Variants in DAPK1 observed in about 807,000 individuals in gnomAD.
DAPK1 encodes death-associated protein kinase 1.
Under a neutral mutation model 144.9 loss-of-function variants are expected in DAPK1, and 56 were observed. That is an observed-to-expected ratio of 0.39 (90% confidence interval 0.31 to 0.48). The LOEUF (loss-of-function observed/expected upper bound fraction) is 0.48. Ranked by LOEUF, DAPK1 falls within the 20% of genes least tolerant of loss-of-function variation. DAPK1 has a pLI of 0.95. For missense variants in DAPK1, 1,454 were observed against 1,875.4 expected, an observed-to-expected ratio of 0.78 and a Z score of 4.15; for synonymous variants, 690 against 749.0, an observed-to-expected ratio of 0.92 and a Z score of 1.29.
chr9:87,588,512 G>A (rs1828013396), intron 2 of DAPK1, among the ~76,000 whole-genome samples: 2 of 152,180 alleles, frequency 1.3e-5, no homozygotes, highest in South Asian at 4.1e-4. Context: ...TTTCCCAAAT[G>A]ACCATGCTGA....
chr9:87,590,420 G>A (rs1344726301), intron 2 of DAPK1, among the ~76,000 whole-genome samples: 1 of 150,680 alleles, frequency 6.6e-6, no homozygotes, highest in African/African-American at 2.5e-5. Flanking sequence ...AGCTAAAAGG[G>A]TTGCCTAATT....
intron 2 of DAPK1, among the ~76,000 whole-genome samples, chr9:87,590,241 G>A (rs914463359): frequency 2.0e-5 from 3 of 151,852 alleles, no homozygotes; most frequent in South Asian, 2.1e-4. Context: ...TTACTCAGAC[G>A]TGGAGACTCG....
At chr9:87,677,692 G>C (rs1021280218) in intron 19 of DAPK1, among the ~76,000 whole-genome samples, 1 of 152,174 alleles carries the variant, frequency 6.6e-6, no homozygotes, top group Non-Finnish European at 1.5e-5. Context: ...GAATAGATGG[G>C]GAAGTTTGCA....
intron 2 of DAPK1, among the ~76,000 whole-genome samples, chr9:87,574,639 ACCAGGCACGGTGG>A (rs1249480706): frequency 6.6e-6 from 1 of 152,158 alleles, no homozygotes; most frequent in Admixed American, 6.5e-5. Flanking sequence ...GTAGAAGGTG[ACCAGGCACGGTGG>A]CTCCCGCCTG....
At chr9:87,593,337 A>G (rs1828205567) in intron 2 of DAPK1, among the ~76,000 whole-genome samples, 1 of 152,242 alleles carries the variant, frequency 6.6e-6, no homozygotes, top group Non-Finnish European at 1.5e-5. Flanking sequence ...AGCATGACAG[A>G]GGGTCCCAAA....
chr9:87,675,007 A>G (rs1008638464), intron 19 of DAPK1, among the ~76,000 whole-genome samples: 1 of 152,224 alleles, frequency 6.6e-6, no homozygotes, highest in African/African-American at 2.4e-5. Flanking sequence ...ACAGTGAACA[A>G]AATCGGCAGA....
chr9:87,571,436 AAC>A (rs374135959), intron 2 of DAPK1, among the ~76,000 whole-genome samples: 405 of 13,006 alleles, frequency 0.031, 15 homozygotes, highest in South Asian at 0.062. Flanking sequence ...CCCACCCCCC[AAC>A]ACACACACAC....
intron 9 of DAPK1, among the ~76,000 whole-genome samples, chr9:87,641,699 C>T (rs1830100631): frequency 1.3e-5 from 2 of 152,154 alleles, no homozygotes; most frequent in African/African-American, 4.8e-5. Context: ...TATTGCCATT[C>T]CCAAACTATC....
intron 2 of DAPK1, among the ~76,000 whole-genome samples, chr9:87,549,753 G>T (rs1307721325): frequency 6.6e-6 from 1 of 152,080 alleles, no homozygotes. Context: ...AGCACCAAAA[G>T]AAACCATGAT....
intron 2 of DAPK1, among the ~76,000 whole-genome samples, chr9:87,568,952 C>G (rs1451733465): frequency 1.3e-5 from 2 of 152,154 alleles, no homozygotes; most frequent in African/African-American, 2.4e-5. Flanking sequence ...TAGAGGAATA[C>G]AGAATCCAGC....
chr9:87,682,236 C>T (rs866543450), intron 20 of DAPK1, among the ~76,000 whole-genome samples: 1 of 152,196 alleles, frequency 6.6e-6, no homozygotes, highest in Non-Finnish European at 1.5e-5. Context: ...ACGTTTGCTG[C>T]CTTCCGGGCC....
intron 2 of DAPK1, among the ~76,000 whole-genome samples, chr9:87,503,193 C>T (rs1242567488): frequency 2.0e-5 from 3 of 151,946 alleles, no homozygotes; most frequent in African/African-American, 7.3e-5. Flanking sequence ...TACTGAACAC[C>T]TACTAAGTGT....
rs1396907618 is a variant in DAPK1 at position 87,668,664 on chromosome 9, G to A, written c.1991G>A (p.Arg664Lys). 1.5e-6 allele frequency: 2 copies of A among 1,300,110 alleles called. No individual in the cohort carries two copies. Among genetic ancestry groups the A allele is most frequent in the East Asian group, 2.3e-5 (1 of 43,492 alleles). The allele number at this position is 1,300,110 out of a possible 1,614,324, so 80.5% of individuals were successfully genotyped here. A position where few individuals can be genotyped will look rare whatever the true frequency, so the allele number is the denominator to read the frequency against. Residue 664 changes from arginine (R) to lysine (K), a missense_variant, in exon 19 of 26, where the codon AGA becomes AAA. Physicochemically the swap from Arg to Lys is conservative, Grantham distance 26. Around this residue, in one of 2 missense-constraint regions of DAPK1, gnomAD observed 1,025 missense variants for 1,237.9 expected, o/e 0.83. Transcript: ENST00000408954. Reference sequence around the variant, plus strand: ...GAGCACGTAGCAGGTCTCCTTGCAAGACTTCGAAAGGTGAGAAGTTCTGTT... The same window carrying A: ...GAGCACGTAGCAGGTCTCCTTGCAAAACTTCGAAAGGTGAGAAGTTCTGTT... ...QHEHVAGLLA[R>K]LRKDTHRGLF...
At chr9:87,595,805 G>C (rs995036021) in intron 2 of DAPK1, among the ~76,000 whole-genome samples, 3 of 152,068 alleles carry the variant, frequency 2.0e-5, no homozygotes, top group Non-Finnish European at 2.9e-5. Context: ...TGTTGTTCTG[G>C]TTCCCAGGGT....
chr9:87,574,835 C>T (rs559469688), intron 2 of DAPK1, among the ~76,000 whole-genome samples: 2 of 152,160 alleles, frequency 1.3e-5, no homozygotes, highest in South Asian at 2.1e-4. Flanking sequence ...GCAGGAGAAT[C>T]GCTTGAACCT....
chr9:87,628,994 G>A (rs908584717), intron 3 of DAPK1, among the ~76,000 whole-genome samples: 1 of 152,170 alleles, frequency 6.6e-6, no homozygotes, highest in Non-Finnish European at 1.5e-5. Flanking sequence ...CAGCTTGCAA[G>A]GAGTTATTAC....
intron 2 of DAPK1, among the ~76,000 whole-genome samples, chr9:87,507,242 C>T (rs531978514): frequency 7.9e-5 from 12 of 152,192 alleles, no homozygotes; most frequent in African/African-American, 2.2e-4. Flanking sequence ...GACGGAATTT[C>T]GCTCTTGTTG....
At chr9:87,614,885 C>T (rs1368635418) in intron 3 of DAPK1, among the ~76,000 whole-genome samples, 1 of 152,190 alleles carries the variant, frequency 6.6e-6, no homozygotes, top group Admixed American at 6.5e-5. Flanking sequence ...GGCTTTCCCC[C>T]ACTCTGGTCA....
intron 2 of DAPK1, among the ~76,000 whole-genome samples, chr9:87,532,996 T>C (rs544229249): frequency 6.6e-6 from 1 of 152,344 alleles, no homozygotes; most frequent in East Asian, 1.9e-4. Context: ...TTAGGCTTAG[T>C]CTGAAGGGTG....
Sources: allele counts gnomAD v4.1 joint callset (sites outside exome capture counted in the v4.1 genomes callset), GRCh38; gene constraint gnomAD v4.1.1; regional missense constraint gnomAD v4.1.1; transcripts MANE v1.5; gene names NCBI Gene and HGNC (gene_info 2026-07-23, HGNC 2026-07-21).